Variants in PLEKHA2 observed in about 807,000 individuals in gnomAD.
PLEKHA2 encodes pleckstrin homology domain-containing family A member 2.
PLEKHA2 carries 28 observed loss-of-function variants against 53.2 expected under a neutral mutation model. The observed-to-expected ratio is 0.53, with a 90% confidence interval of 0.39 to 0.72. The LOEUF (loss-of-function observed/expected upper bound fraction) is 0.72. Among genes scored for constraint, PLEKHA2 ranks in the 30% least tolerant of loss-of-function variants. The pLI is 0.00. For missense variants in PLEKHA2, 426 were observed against 537.9 expected (o/e 0.79, Z 2.06); for synonymous variants, 193 against 196.4 (o/e 0.98, Z 0.14).
At chr8:38,926,156 T>C (rs903638340) in intron 2 of PLEKHA2, among the ~76,000 whole-genome samples, 2 of 152,202 alleles carry the variant, frequency 1.3e-5, no homozygotes, top group Non-Finnish European at 2.9e-5. Flanking sequence ...GGGCAAAGTG[T>C]CTTCAATTCA....
intron 2 of PLEKHA2, among the ~76,000 whole-genome samples, chr8:38,932,857 C>T (rs1037727509): frequency 1.3e-5 from 2 of 152,178 alleles, no homozygotes; most frequent in African/African-American, 4.8e-5. Context: ...GTGGAGAGGA[C>T]GTACAGTTGA....
intron 5 of PLEKHA2, among the ~76,000 whole-genome samples, chr8:38,949,415 A>G (rs980023444): frequency 1.3e-5 from 2 of 152,180 alleles, no homozygotes; most frequent in African/African-American, 4.8e-5. Context: ...TGTATTTTCT[A>G]TCTAAAAGGG....
intron 1 of PLEKHA2, among the ~76,000 whole-genome samples, chr8:38,917,375 G>C (rs1015649668): frequency 6.6e-6 from 1 of 152,160 alleles, no homozygotes; most frequent in African/African-American, 2.4e-5. Context: ...TTGAATTGGA[G>C]CTTACATCCT....
chr8:38,963,492 G>T (rs1036789174), intron 10 of PLEKHA2, among the ~76,000 whole-genome samples: 4 of 152,150 alleles, frequency 2.6e-5, no homozygotes, highest in Non-Finnish European at 4.4e-5. Flanking sequence ...CGTAAAAATA[G>T]ATATGTACAT....
At chr8:38,964,176 G>T (rs1218512315) in intron 10 of PLEKHA2, among the ~76,000 whole-genome samples, 2 of 152,116 alleles carry the variant, frequency 1.3e-5, no homozygotes, top group African/African-American at 4.8e-5. Context: ...TACGAAAAAA[G>T]CTTTATCCCC....
intron 9 of PLEKHA2, among the ~76,000 whole-genome samples, chr8:38,955,019 A>C (rs1185802217): frequency 6.6e-6 from 1 of 152,190 alleles, no homozygotes; most frequent in African/African-American, 2.4e-5. Context: ...GGGCAACAAG[A>C]GTGAAACTCT....
chr8:38,943,734 T>A (rs1359200486), intron 3 of PLEKHA2, 55 bp from the exon 4 acceptor site: 1 of 1,354,416 alleles, frequency 7.4e-7, no homozygotes, highest in East Asian at 2.5e-5. Flanking sequence ...CAATAAGAAA[T>A]CTTCAACATT....
chr8:38,946,641 A>G (rs990196018), intron 5 of PLEKHA2, among the ~76,000 whole-genome samples: 1 of 152,212 alleles, frequency 6.6e-6, no homozygotes, highest in Non-Finnish European at 1.5e-5. Flanking sequence ...GGCTGCCTGC[A>G]GGGTCAGTCC....
Position 38,957,403 on chromosome 8 carries a change from C to T in PLEKHA2, c.837+17C>T. 1 of 1,593,040 alleles carries T rather than the reference C, an allele frequency of 6.3e-7. No homozygotes were observed. The highest frequency in any genetic ancestry group is 8.6e-7 in the Non-Finnish European group (1 of 1,161,432). On this transcript the variant is annotated intron_variant, in intron 10 of 11. Transcript: ENST00000617275. ...TACGTACAGGTAAAATGCTCCCTTC[C>T]AGAAGACTCCAGCATTCTGTTTCTG...
Position 38,950,939 on chromosome 8 carries a change from C to T in PLEKHA2, c.435C>T (p.Ala145=). Residue 145 remains alanine (A), a synonymous_variant, in exon 6 of 12, where the codon GCC becomes GCT. Transcript: ENST00000617275. ...PPALEKKPQV[A]YKTEIIGGVV... ...CCCTGGAGAAGAAGCCACAGGTGGC[C>T]TACAAGACGGAGATCATTGGAGGGG... The T allele has an allele frequency of 1.2e-6, 2 of 1,614,000 alleles. No individual in the cohort carries two copies. The highest frequency in any genetic ancestry group is 1.7e-6 in the Non-Finnish European group (2 of 1,179,882).
chr8:38,973,912 A>G lies in PLEKHA2; in HGVS notation c.*4129A>G. 5.9e-6 allele frequency: 2 copies of G among 338,666 alleles called. No individual in the cohort carries two copies. The highest frequency in any genetic ancestry group is 1.1e-5 in the Non-Finnish European group (2 of 185,802). 21.0% of individuals were successfully genotyped at this position (338,666 alleles called of 1,614,324 possible). A position where few individuals can be genotyped will look rare whatever the true frequency, so the allele number is the denominator to read the frequency against. ...TAATAAAACCATGTGAAATACTGAA[A>G]TATGGTCATGTGTTTTCCTAATACT... On this transcript the variant is annotated 3_prime_UTR_variant, in exon 12 of 12. Transcript: ENST00000617275.
At chr8:38,906,550 GT>G (rs1425845751) in intron 1 of PLEKHA2, among the ~76,000 whole-genome samples, 2 of 152,106 alleles carry the variant, frequency 1.3e-5, no homozygotes, top group African/African-American at 4.8e-5. Context: ...TCCTGTACAT[GT>G]TTGCATTCCT....
chr8:38,928,651 A>G (rs1368885778), intron 2 of PLEKHA2, among the ~76,000 whole-genome samples: 1 of 152,190 alleles, frequency 6.6e-6, no homozygotes, highest in Non-Finnish European at 1.5e-5. Context: ...TATCCTGTCT[A>G]AAGCTGATAC....
chr8:38,958,025 G>A (rs1834972885), intron 10 of PLEKHA2, among the ~76,000 whole-genome samples: 1 of 152,164 alleles, frequency 6.6e-6, no homozygotes, highest in Admixed American at 6.5e-5. Flanking sequence ...TGGACTTTTA[G>A]TATTGAAACT....
chr8:38,950,991 G>C lies in PLEKHA2; in HGVS notation c.486+1G>C. On this transcript the variant is annotated splice_donor_variant, in intron 6 of 11. Transcript: ENST00000617275. LOFTEE classifies it high-confidence loss of function. The stretch of plus-strand genomic sequence containing the variant: ...GGTGGTCCACACACCCATCAGCCAG[G>C]TGAGGGGCCTGACTGGGGCTGCGGG... 1 of 1,613,296 alleles carries C rather than the reference G, an allele frequency of 6.2e-7. No homozygotes were observed. The highest frequency in any genetic ancestry group is 8.5e-7 in the Non-Finnish European group (1 of 1,179,562).
At chr8:38,951,469 GTTTTTTT>G (rs144541661) in intron 6 of PLEKHA2, among the ~76,000 whole-genome samples, 7 of 91,822 alleles carry the variant, frequency 7.6e-5, no homozygotes, top group South Asian at 3.8e-4. Context: ...ATTTATTTAA[GTTTTTTT>G]TTTTTTTTTT....
chr8:38,949,537 G>A (rs1834786405), intron 5 of PLEKHA2, among the ~76,000 whole-genome samples: 1 of 152,244 alleles, frequency 6.6e-6, no homozygotes, highest in Admixed American at 6.5e-5. Flanking sequence ...GGCAAAGTCA[G>A]TGGGTGGGCC....
intron 10 of PLEKHA2, among the ~76,000 whole-genome samples, chr8:38,964,725 T>TA (rs1321847990): frequency 6.6e-6 from 1 of 151,986 alleles, no homozygotes; most frequent in Non-Finnish European, 1.5e-5. Flanking sequence ...AAAATCAAGA[T>TA]ATAATGTATC....
At chr8:38,957,108 T>C (rs1297614075) in intron 9 of PLEKHA2, among the ~76,000 whole-genome samples, 1 of 152,070 alleles carries the variant, frequency 6.6e-6, no homozygotes, top group Non-Finnish European at 1.5e-5. Context: ...GGAGGGTCCA[T>C]CTGGATGGCA....
Sources: allele counts gnomAD v4.1 joint callset (sites outside exome capture counted in the v4.1 genomes callset), GRCh38; gene constraint gnomAD v4.1.1; transcripts MANE v1.5; gene names NCBI Gene and HGNC (gene_info 2026-07-23, HGNC 2026-07-21).